Variants in TMPRSS13 observed in about 807,000 individuals in gnomAD.
TMPRSS13 encodes transmembrane serine protease 13.
Under a neutral mutation model 68.4 loss-of-function variants are expected in TMPRSS13, and 50 were observed. The observed-to-expected ratio is 0.73, with a 90% CI of 0.58 to 0.93. The LOEUF is 0.93. Ranked by LOEUF, TMPRSS13 falls within the 40% of genes least tolerant of loss-of-function variation. The pLI is 0.00. For synonymous variants in TMPRSS13, 267 were observed against 285.8 expected (o/e 0.93, Z 0.66); for missense variants, 615 against 729.2 (o/e 0.84, Z 1.80).
intron 1 of TMPRSS13, among the ~76,000 whole-genome samples, chr11:117,924,231 T>C (rs932146903): frequency 8.1e-5 from 3 of 37,002 alleles, no homozygotes; most frequent in Non-Finnish European, 3.0e-4. Context: ...TATACTATTG[T>C]TGAGGCGATG....
Position 117,908,648 on chromosome 11 carries a change from C to T in TMPRSS13, c.1246G>A (p.Ala416Thr), listed in dbSNP as rs1400869297. ...YTDEEDDYDIALMRLSKPLTL... is the reference protein window; with the variant it reads ...YTDEEDDYDITLMRLSKPLTL... ...AGGGGCTTGGACAGCCGCATGAGGGCGATGTCATAGTCGTCCTCCTCATCG... is the reference window on the plus strand; with the variant it reads ...AGGGGCTTGGACAGCCGCATGAGGGTGATGTCATAGTCGTCCTCCTCATCG... Residue 416 changes from alanine (A) to threonine (T), a missense_variant, in exon 9 of 13, where the codon GCC becomes ACC. Transcript: ENST00000524993. 6.3e-6 allele frequency: 10 copies of T among 1,576,818 alleles called. No homozygotes were observed. Among genetic ancestry groups the T allele is most frequent in the South Asian group, 5.8e-5 (5 of 85,804 alleles).
At chr11:117,923,935 C>G (rs11216629) in intron 1 of TMPRSS13, among the ~76,000 whole-genome samples, 8,545 of 151,584 alleles carry the variant, frequency 0.056, 316 homozygotes, top group East Asian at 0.17. Flanking sequence ...CATCAGGGCC[C>G]GTTTCAGTCC....
chr11:117,918,700 C>T lies in TMPRSS13; in HGVS notation c.160G>A (p.Ala54Thr). The T allele has an allele frequency of 1.2e-6, 2 of 1,604,362 alleles. No individual in the cohort carries two copies. Residue 54 changes from alanine to threonine, a missense_variant, in exon 2 of 13, where the codon GCA becomes ACA. By Grantham distance (58) the Ala-to-Thr change is moderately conservative (BLOSUM62 0). Transcript: ENST00000524993. ...GCTGGAGATGCCTGGGCTGGAGATG[C>T]CCGGCCCGGAGGTGTCCCAGCTGGA... ...ASPAGTPPGR[A>T]SPAQASPAGT...
intron 2 of TMPRSS13, 38 bp downstream of exon 2, chr11:117,918,371 T>A: frequency 6.2e-7 from 1 of 1,600,856 alleles, no homozygotes; most frequent in East Asian, 2.2e-5. Flanking sequence ...ATGGGCTGCT[T>A]CCCATCTCTC....
intron 1 of TMPRSS13, among the ~76,000 whole-genome samples, chr11:117,920,920 C>T (rs1591629924): frequency 6.6e-6 from 1 of 152,182 alleles, no homozygotes; most frequent in South Asian, 2.1e-4. Context: ...TGCCTGATTC[C>T]ACATGTGTAA....
Position 117,918,791 on chromosome 11 carries a change from C to T in TMPRSS13, c.69G>A (p.Gln23=), listed in dbSNP as rs1189712345. 6.2e-7 allele frequency: 1 copy of T among 1,613,794 alleles called. No homozygotes were observed. The highest frequency in any genetic ancestry group is 8.5e-7 in the Non-Finnish European group (1 of 1,179,784). The change falls in exon 2 of 13, where the codon CAG becomes CAA. Residue 23 remains glutamine, a synonymous_variant. Transcript: ENST00000524993. ...RTPSAGASPA[Q]ASPAGTPPGR... is the part of the protein sequence containing the mutation. ...CTGGAGGTGTCCCAGCTGGAGATGCCTGGGCTGGAGATGCTCCAGCTGAAG... is the reference window on the plus strand; with the variant it reads ...CTGGAGGTGTCCCAGCTGGAGATGCTTGGGCTGGAGATGCTCCAGCTGAAG...
chr11:117,908,254 G>A (rs2057483320), intron 9 of TMPRSS13: 4 of 537,656 alleles, frequency 7.4e-6, no homozygotes, highest in African/African-American at 1.9e-5. Flanking sequence ...TGGTTGTGAA[G>A]AGTAAATGAA....
rs915569309 is a variant in TMPRSS13 at position 117,914,765 on chromosome 11, G to A, written c.557-251C>T. On this transcript the variant is annotated intron_variant, in intron 3 of 12. Transcript: ENST00000524993. The surrounding 1 kb of genome is among the most constrained non-coding windows in gnomAD (Gnocchi z 4.2). ...CCACCCAGAAAGAGAGAGAAAGAGA[G>A]AGAGAGACAGAGAGTGCTGTGGAGA... Among the ~76,000 whole-genome samples the A allele has an allele frequency of 6.6e-6, 1 of 152,146 alleles. No individual in the cohort carries two copies. Among genetic ancestry groups the A allele is most frequent in the African/African-American group, 2.4e-5 (1 of 41,428 alleles).
chr11:117,915,856 G>C lies in TMPRSS13; in HGVS notation c.556+1314C>G, dbSNP rs1345171687. The stretch of plus-strand genomic sequence containing the variant: ...GAGCAGGGTGCCCTGTAGTGGGAAA[G>C]GGAGGGAGGGCAGGGCAGCAAGTCA... On this transcript the variant is annotated intron_variant, in intron 3 of 12. Transcript: ENST00000524993. This position sits in a 1 kb window ranked among gnomAD's most constrained non-coding sequence, Gnocchi z 4.9. Among the ~76,000 whole-genome samples, 3 of 152,354 alleles carry C rather than the reference G, an allele frequency of 2.0e-5. No homozygotes were observed. The highest frequency in any genetic ancestry group is 4.8e-5 in the African/African-American group (2 of 41,586).
chr11:117,917,279 G>C lies in TMPRSS13; in HGVS notation c.452-5C>G. The C allele has an allele frequency of 6.2e-7, 1 of 1,609,634 alleles. No homozygotes were observed. The highest frequency in any genetic ancestry group is 8.5e-7 in the Non-Finnish European group (1 of 1,178,842). On this transcript the variant is annotated splice_polypyrimidine_tract_variant and splice_region_variant and intron_variant, in intron 2 of 12. Coordinates refer to ENST00000524993, the MANE Select transcript of TMPRSS13 (RefSeq NM_001077263.3). ...TGAACTTGGGCAGGCTCGTACCTAG[G>C]AGCAGGGCGGCAGCAGGGGAATATG...
intron 1 of TMPRSS13, among the ~76,000 whole-genome samples, chr11:117,927,127 T>C (rs960535295): frequency 9.2e-5 from 14 of 152,192 alleles, no homozygotes; most frequent in African/African-American, 2.4e-5. Context: ...GGCAGCCAAC[T>C]GTTCAAACAG....
At chr11:117,928,326 G>A (rs1046852784) in intron 1 of TMPRSS13, among the ~76,000 whole-genome samples, 1 of 152,224 alleles carries the variant, frequency 6.6e-6, no homozygotes, top group Non-Finnish European at 1.5e-5. Context: ...AAAGTCAAGA[G>A]GGGGCTGGAA....
At chr11:117,924,635 C>A (rs1322556776) in intron 1 of TMPRSS13, among the ~76,000 whole-genome samples, 1 of 152,068 alleles carries the variant, frequency 6.6e-6, no homozygotes, top group East Asian at 1.9e-4. Context: ...ACCTGGGGAG[C>A]CCTGGGGTTG....
At chr11:117,903,494 T>A in intron 12 of TMPRSS13, 161 bp downstream of exon 12, 1 of 1,543,524 alleles carries the variant, frequency 6.5e-7, no homozygotes, top group Non-Finnish European at 8.7e-7. Context: ...CACAGACAGC[T>A]GGGATTGACC....
At chr11:117,908,319 A>G (rs569415835) in intron 9 of TMPRSS13, 154 of 586,766 alleles carry the variant, frequency 2.6e-4, no homozygotes, top group African/African-American at 2.5e-3. Context: ...CTCAGTTAAT[A>G]CCAGTGAAAG....
chr11:117,911,289 G>C (rs545719349), intron 6 of TMPRSS13, among the ~76,000 whole-genome samples: 15 of 152,322 alleles, frequency 9.8e-5, no homozygotes, highest in South Asian at 6.2e-4. Flanking sequence ...CCCTGTCCCT[G>C]ATGCCTGCAC....
chr11:117,911,969 A>G, intron 5 of TMPRSS13, 109 bp from the exon 6 acceptor site: 2 of 804,524 alleles, frequency 2.5e-6, no homozygotes, highest in Non-Finnish European at 4.0e-6. Flanking sequence ...CCAGACTGTG[A>G]TGGTCTGAAT....
chr11:117,903,698 G>A lies in TMPRSS13; in HGVS notation c.1634C>T (p.Thr545Ile), dbSNP rs1345063671. 5.0e-6 allele frequency: 8 copies of A among 1,614,100 alleles called. No individual in the cohort carries two copies. Among genetic ancestry groups the A allele is most frequent in the Non-Finnish European group, 6.8e-6 (8 of 1,180,004 alleles). The part of the protein sequence containing the change: ...CGQRNKPGVY[T>I]KVTEVLPWIY... ...CCAGGGAAGAACTTCTGTCACTTTG[G>A]TGTACACACCAGGTTTGTTTCTCTG... Residue 545 changes from threonine (T) to isoleucine (I), a missense_variant, in exon 12 of 13, where the codon ACC becomes ATC. Coordinates refer to ENST00000524993, the MANE Select transcript of TMPRSS13 (RefSeq NM_001077263.3).
chr11:117,923,051 A>C (rs899681586), intron 1 of TMPRSS13, among the ~76,000 whole-genome samples: 2 of 152,182 alleles, frequency 1.3e-5, no homozygotes, highest in Non-Finnish European at 2.9e-5. Flanking sequence ...GGAGGGCTAA[A>C]AGGAGCAGCC....
Sources: gnomAD v4.1 joint callset for allele counts (sites outside exome capture counted in the v4.1 genomes callset) on GRCh38, gnomAD v4.1.1 for gene constraint, Gnocchi (gnomAD v3.1) non-coding constraint, MANE v1.5 for transcripts, NCBI Gene and HGNC (gene_info 2026-07-23, HGNC 2026-07-21) for gene names.